The following IL22RA1 variants were observed in gnomAD, a reference collection of about 807,000 sequenced individuals.
The protein encoded by IL22RA1 is interleukin-22 receptor subunit alpha-1.
IL22RA1 carries 25 observed loss-of-function variants against 32.8 expected under a neutral mutation model. The ratio of observed to expected loss-of-function variants is 0.76; its 90% CI spans 0.55 to 1.06. The LOEUF (loss-of-function observed/expected upper bound fraction) is 1.06. Among genes scored for constraint, IL22RA1 ranks in the 50% least tolerant of loss-of-function variants. The pLI is 0.00. For missense variants in IL22RA1, 709 were observed against 727.4 expected (o/e 0.97, Z 0.29); for synonymous variants, 305 against 305.0 (o/e 1.00, Z 0.00).
At chr1:24,125,107 A>G (rs905882004) in intron 5 of IL22RA1, among the ~76,000 whole-genome samples, 2 of 151,426 alleles carry the variant, frequency 1.3e-5, no homozygotes, top group African/African-American at 4.8e-5. Flanking sequence ...CCCTTTAATA[A>G]TAACAGTAGC....
At chr1:24,127,107 A>G (rs1324966479) in intron 5 of IL22RA1, among the ~76,000 whole-genome samples, 1 of 151,974 alleles carries the variant, frequency 6.6e-6, no homozygotes, top group African/African-American at 2.4e-5. Context: ...ATTTCTTGAA[A>G]CTGGGAAGCA....
At chr1:24,134,485 C>A in intron 3 of IL22RA1, 99 bp from the exon 4 acceptor site, 1 of 824,530 alleles carries the variant, frequency 1.2e-6, no homozygotes, top group East Asian at 3.1e-5. Context: ...CTCCCTCTCT[C>A]CTTCCACTCC....
At chr1:24,125,242 A>G (rs767033787) in intron 5 of IL22RA1, among the ~76,000 whole-genome samples, 5 of 152,138 alleles carry the variant, frequency 3.3e-5, no homozygotes, top group Admixed American at 6.5e-5. Flanking sequence ...CTCCCTTCCT[A>G]TGGATAACAA....
chr1:24,122,043 G>C (rs557022516), intron 6 of IL22RA1, among the ~76,000 whole-genome samples: 2 of 152,302 alleles, frequency 1.3e-5, no homozygotes, highest in South Asian at 4.1e-4. Flanking sequence ...GGGTTGCCTT[G>C]GGGCATGATC....
chr1:24,128,080 A>G, intron 5 of IL22RA1, 61 bp downstream of exon 5: 1 of 1,464,358 alleles, frequency 6.8e-7, no homozygotes, highest in South Asian at 1.5e-5. Flanking sequence ...CAGGGAGGAA[A>G]GAGAAGAGTC....
intron 5 of IL22RA1, among the ~76,000 whole-genome samples, chr1:24,125,289 G>T (rs933455059): frequency 3.3e-5 from 5 of 152,038 alleles, no homozygotes; most frequent in Non-Finnish European, 7.4e-5. Flanking sequence ...CCTGACCAAG[G>T]TCACACAGCT....
chr1:24,130,187 A>G (rs1175569088), intron 4 of IL22RA1, among the ~76,000 whole-genome samples: 2 of 152,190 alleles, frequency 1.3e-5, no homozygotes, highest in South Asian at 2.1e-4. Flanking sequence ...TACATTTCCC[A>G]TTTTTACTGT....
intron 4 of IL22RA1, among the ~76,000 whole-genome samples, chr1:24,128,543 A>ATATG (rs1644181306): frequency 6.6e-6 from 1 of 150,868 alleles, no homozygotes; most frequent in Admixed American, 6.6e-5. Flanking sequence ...ATATATATAT[A>ATATG]TATATAAAAT....
In IL22RA1 at chr1:24,121,097, G is replaced by T; in HGVS notation, c.1433C>A (p.Pro478Gln). Residue 478 changes from proline (P) to glutamine (Q), a missense_variant, in exon 7 of 7, where the codon CCA (proline) becomes CAA (glutamine). By Grantham distance (76) the Pro-to-Gln change is moderately conservative. Coordinates refer to ENST00000270800, the MANE Select transcript of IL22RA1 (RefSeq NM_021258.4). ...LGICTDRTSD[P>Q]NVLHSGEEGT... ...TTCCTCCCCACTGTGTAGCACATTTGGGTCAGATGTTCTGTCTGTGCAAAT... is the reference window on the plus strand; with the variant it reads ...TTCCTCCCCACTGTGTAGCACATTTTGGTCAGATGTTCTGTCTGTGCAAAT... 2 of 1,614,172 alleles carry T rather than the reference G, an allele frequency of 1.2e-6. No individual in the cohort carries two copies. Among genetic ancestry groups the T allele is most frequent in the Non-Finnish European group, 1.7e-6 (2 of 1,180,024 alleles).
At chr1:24,128,340 A>C in intron 4 of IL22RA1, 61 bp from the exon 5 acceptor site, 1 of 1,605,156 alleles carries the variant, frequency 6.2e-7, no homozygotes, top group Non-Finnish European at 8.5e-7. Flanking sequence ...CATAGAGCCC[A>C]AGGAAGCTTG....
chr1:24,126,154 C>T (rs762014139), intron 5 of IL22RA1, among the ~76,000 whole-genome samples: 1 of 152,176 alleles, frequency 6.6e-6, no homozygotes, highest in Non-Finnish European at 1.5e-5. Context: ...CCAGCTTAGC[C>T]CCAGAACGTC....
At chr1:24,132,736 C>T (rs574713339) in intron 4 of IL22RA1, among the ~76,000 whole-genome samples, 3 of 151,926 alleles carry the variant, frequency 2.0e-5, no homozygotes, top group Admixed American at 6.5e-5. Context: ...TGCGGTGGCT[C>T]ATGCCTGTCA....
chr1:24,126,066 C>CA (rs1337086838), intron 5 of IL22RA1, among the ~76,000 whole-genome samples: 1 of 152,150 alleles, frequency 6.6e-6, no homozygotes, highest in Non-Finnish European at 1.5e-5. Flanking sequence ...GCTGGTGGGC[C>CA]AGGTCCCATG....
chr1:24,132,507 A>AT (rs904731128), intron 4 of IL22RA1, among the ~76,000 whole-genome samples: 2 of 151,074 alleles, frequency 1.3e-5, no homozygotes, highest in African/African-American at 2.4e-5. Flanking sequence ...AATTTTTTGT[A>AT]TTTTTTAATA....
rs907828861 is a variant in IL22RA1, at chr1:24,121,166, A to G, written c.1364T>C (p.Met455Thr). The G allele has an allele frequency of 8.7e-6, 14 of 1,614,228 alleles. No homozygotes were observed. The highest frequency in any genetic ancestry group is 1.2e-5 in the Non-Finnish European group (14 of 1,180,038). The stretch of plus-strand genomic sequence containing the variant: ...TGATTTTGCTTCTTGGGATTCCTCC[A>G]TAGCCAAGGAGGTCACCTCCTGCAG... ...LSLQEVTSLAMEESQEAKSLH... is the reference protein window; with the variant it reads ...LSLQEVTSLATEESQEAKSLH... Residue 455 changes from methionine (M) to threonine (T), a missense_variant, in exon 7 of 7, where the codon ATG becomes ACG. Coordinates refer to ENST00000270800, the MANE Select transcript of IL22RA1 (RefSeq NM_021258.4).
At position 24,134,322 on chromosome 1, in the gene IL22RA1, A is replaced by G. The variant is rs896989181; in HGVS notation, c.420T>C (p.His140=). 6.2e-7 allele frequency: 1 copy of G among 1,605,194 alleles called. No homozygotes were observed. The highest frequency in any genetic ancestry group is 8.5e-7 in the Non-Finnish European group (1 of 1,175,722). ...SKVRSIQMIV[H]PTPTPIRAGD... ...CTGCACGGATTGGCGTGGGGGTAGG[A>G]TGAACAATCATCTGAATCGATCTCA... Residue 140 remains histidine, a synonymous_variant, in exon 4 of 7, where the codon CAT becomes CAC. Coordinates refer to ENST00000270800, the MANE Select transcript of IL22RA1 (RefSeq NM_021258.4).
intron 4 of IL22RA1, among the ~76,000 whole-genome samples, chr1:24,129,919 C>A (rs555427838): frequency 7.2e-5 from 11 of 152,178 alleles, no homozygotes; most frequent in African/African-American, 2.7e-4. Context: ...AAGTTTTTCA[C>A]GACCTCCATC....
chr1:24,121,314 A>C lies in IL22RA1; in HGVS notation c.1216T>G (p.Cys406Gly). 1 of 1,612,662 alleles carries C rather than the reference A, an allele frequency of 6.2e-7. No individual in the cohort carries two copies. ...PDSWPPSYGV[C>G]MEGSGKDSPT... ...GAGTCTTTGCCAGAACCTTCCATGC[A>C]TACCCCATAGGAGGGAGGCCAGCTG... The change falls in exon 7 of 7, where the codon TGC becomes GGC. Residue 406 changes from cysteine (C) to glycine (G), a missense_variant. Physicochemically the swap from Cys to Gly is radical, Grantham distance 159. Coordinates refer to ENST00000270800, the MANE Select transcript of IL22RA1 (RefSeq NM_021258.4).
chr1:24,121,809 T>C, intron 6 of IL22RA1, 72 bp from the exon 7 acceptor site: 1 of 1,256,730 alleles, frequency 8.0e-7, no homozygotes, highest in East Asian at 2.7e-5. Context: ...GTGATGTGGG[T>C]GGGTGAGGTC....
Sources: gnomAD v4.1 joint callset for allele counts (sites outside exome capture counted in the v4.1 genomes callset) on GRCh38, gnomAD v4.1.1 for gene constraint, MANE v1.5 for transcripts, NCBI Gene and HGNC (gene_info 2026-07-23, HGNC 2026-07-21) for gene names.